Variants in ETFBKMT observed in about 807,000 individuals in gnomAD.
ETFBKMT encodes the protein electron transfer flavoprotein beta subunit lysine methyltransferase.
ETFBKMT carries 13 observed loss-of-function variants against 18.3 expected under a neutral mutation model. The observed-to-expected ratio is 0.71, with a 90% CI of 0.46 to 1.13. ETFBKMT has a LOEUF of 1.13. ETFBKMT is among the 50% of genes most tolerant of loss of function. ETFBKMT has a pLI of 0.00. For missense variants in ETFBKMT, 293 were observed against 306.2 expected (o/e 0.96, Z 0.32); for synonymous variants, 84 against 107.9 (o/e 0.78, Z 1.37).
chr12:31,672,254 G>T lies in ETFBKMT; in HGVS notation c.*4264G>T. 1 of 1,275,160 alleles carries T rather than the reference G, an allele frequency of 7.8e-7. No individual in the cohort carries two copies. The highest frequency in any genetic ancestry group is 1.1e-6 in the Non-Finnish European group (1 of 896,828). The allele number at this position is 1,275,160 out of a possible 1,614,324, so 79.0% of individuals were successfully genotyped here. On this transcript the variant is annotated 3_prime_UTR_variant, in exon 4 of 4. Coordinates refer to ENST00000357721, the MANE Select transcript of ETFBKMT (RefSeq NM_001135863.2). ...CAAATCTCTATAGATGGTTTCCTGG[G>T]AAAGTAGTTTTGATAAGCTTTCCTA...
chr12:31,648,488 A>G (rs1271462246), intron 1 of ETFBKMT, among the ~76,000 whole-genome samples: 1 of 145,440 alleles, frequency 6.9e-6, no homozygotes, highest in Non-Finnish European at 1.5e-5. Context: ...CAGCCTCCTG[A>G]GTAGCCGGGA....
At chr12:31,653,476 C>G (rs1388273009) in intron 1 of ETFBKMT, among the ~76,000 whole-genome samples, 1 of 152,054 alleles carries the variant, frequency 6.6e-6, no homozygotes, top group South Asian at 2.1e-4. Context: ...TAAAAGTTTG[C>G]CCGGTTACTA....
intron 3 of ETFBKMT, among the ~76,000 whole-genome samples, chr12:31,667,417 C>A (rs1287874657): frequency 6.6e-6 from 1 of 152,170 alleles, no homozygotes; most frequent in East Asian, 1.9e-4. Flanking sequence ...AAAGTCCCAG[C>A]ATTTCTAGGT....
chr12:31,663,945 C>T (rs888888423), intron 2 of ETFBKMT, among the ~76,000 whole-genome samples: 1 of 151,896 alleles, frequency 6.6e-6, no homozygotes, highest in African/African-American at 2.4e-5. Context: ...GCTACTGCAA[C>T]CCCTTTCCAC....
rs1369341958 is a variant in ETFBKMT at position 31,672,051 on chromosome 12, T to C, written c.*4061T>C. 2 of 377,146 alleles carry C rather than the reference T, an allele frequency of 5.3e-6. No individual in the cohort carries two copies. Among genetic ancestry groups the C allele is most frequent in the African/African-American group, 4.1e-5 (2 of 48,676 alleles). The allele number at this position is 377,146 out of a possible 1,614,324, so 23.4% of individuals were successfully genotyped here. A position where few individuals can be genotyped will look rare whatever the true frequency, so the allele number is the denominator to read the frequency against. ...ATCCAACACCATAGATCAGAGTTCA[T>C]GCTAGGATTATCATTTCAAAAATAA... On this transcript the variant is annotated 3_prime_UTR_variant, in exon 4 of 4. Coordinates refer to ENST00000357721, the MANE Select transcript of ETFBKMT (RefSeq NM_001135863.2).
chr12:31,650,626 C>CTTTT (rs543201341), intron 1 of ETFBKMT, among the ~76,000 whole-genome samples: 5 of 140,712 alleles, frequency 3.6e-5, no homozygotes, highest in African/African-American at 1.1e-4. Flanking sequence ...AATGACCTGA[C>CTTTT]CTTTTTTTTT....
rs1462388723 is a variant in ETFBKMT at position 31,671,397 on chromosome 12, G to T, written c.*3407G>T. The T allele has an allele frequency of 6.6e-6, 1 of 152,142 alleles. No homozygotes were observed. Among genetic ancestry groups the T allele is most frequent in the Non-Finnish European group, 1.5e-5 (1 of 68,010 alleles). The allele number at this position is 152,142 out of a possible 1,614,324, so 9.4% of individuals were successfully genotyped here. A position where few individuals can be genotyped will look rare whatever the true frequency, so the allele number is the denominator to read the frequency against. ...TTTCACTACATCAGAGGCAAAATAA[G>T]AAATCTTTTAAGAAAATCTCAAGAC... On this transcript the variant is annotated 3_prime_UTR_variant, in exon 4 of 4. Coordinates refer to ENST00000357721, the MANE Select transcript of ETFBKMT (RefSeq NM_001135863.2).
upstream of ETFBKMT, among the ~76,000 whole-genome samples, chr12:31,658,287 A>C (rs755164383): frequency 2.0e-5 from 3 of 152,266 alleles, no homozygotes; most frequent in Admixed American, 6.5e-5. Flanking sequence ...TCAGCAACTA[A>C]TTAAGAAAAA....
At chr12:31,659,943 G>A (rs1250589309) in intron 1 of ETFBKMT, 154 bp downstream of exon 1, 1 of 148,182 alleles carries the variant, frequency 6.7e-6, no homozygotes, top group Non-Finnish European at 1.5e-5. Flanking sequence ...CAGGTCAGGA[G>A]TTCCAGACCA....
In ETFBKMT at chr12:31,667,769, T is replaced by C; in HGVS notation, c.568T>C (p.Phe190Leu). The C allele has an allele frequency of 1.2e-6, 2 of 1,614,162 alleles. No individual in the cohort carries two copies. The highest frequency in any genetic ancestry group is 1.7e-6 in the Non-Finnish European group (2 of 1,180,028). ...GGACCTTGTTGTTCTTGGCGATATG[T>C]TTTATGATGAAGACCTTGCAGATAG... ...KWDLVVLGDM[F>L]YDEDLADSLH... is the part of the protein sequence containing the mutation. Residue 190 changes from phenylalanine to leucine, a missense_variant, in exon 4 of 4, where the codon TTT becomes CTT. Transcript: ENST00000357721.
At chr12:31,666,817 A>ATTT (rs1215263554) in intron 3 of ETFBKMT, among the ~76,000 whole-genome samples, 15 of 140,192 alleles carry the variant, frequency 1.1e-4, no homozygotes, top group African/African-American at 3.7e-4. Flanking sequence ...TGCCTGGCTA[A>ATTT]TTTTTTTTTT....
upstream of ETFBKMT, among the ~76,000 whole-genome samples, chr12:31,656,503 C>A (rs75328557): frequency 0.04 from 6,133 of 152,152 alleles, 408 homozygotes; most frequent in African/African-American, 0.14. Context: ...GTCTGGGGAG[C>A]TAGAGCAGGT....
Position 31,669,359 on chromosome 12 carries a change from C to G in ETFBKMT, c.*1369C>G, listed in dbSNP as rs1453614770. On this transcript the variant is annotated 3_prime_UTR_variant, in exon 4 of 4. Transcript: ENST00000357721. ...CAGTCAGTTAAGTCAGCCTGTGCCC[C>G]TGCTGTGACCTTCACAAGTGCTTTC... 1.3e-5 allele frequency: 2 copies of G among 152,244 alleles called. No homozygotes were observed. The highest frequency in any genetic ancestry group is 2.9e-5 in the Non-Finnish European group (2 of 68,068). The allele number at this position is 152,244 out of a possible 1,614,324, so 9.4% of individuals were successfully genotyped here.
upstream of ETFBKMT, chr12:31,659,658 C>G (rs545872750): frequency 6.6e-6 from 1 of 152,154 alleles, no homozygotes. Context: ...TTGTGTGATT[C>G]AAGTGACAGC....
At position 31,669,514 on chromosome 12, in the gene ETFBKMT, A is replaced by C. The variant is rs900974380; in HGVS notation, c.*1524A>C. 2.0e-5 allele frequency: 3 copies of C among 152,162 alleles called. No homozygotes were observed. Among genetic ancestry groups the C allele is most frequent in the Non-Finnish European group, 4.4e-5 (3 of 68,054 alleles). 9.4% of individuals were successfully genotyped at this position (152,162 alleles called of 1,614,324 possible). A position where few individuals can be genotyped will look rare whatever the true frequency, so the allele number is the denominator to read the frequency against. ...TGAGAACTGGCTTTTGTTAAGGAGA[A>C]CTGAACACTTGGGCATATTTCAAAA... On this transcript the variant is annotated 3_prime_UTR_variant, in exon 4 of 4. Transcript: ENST00000357721.
intron 1 of ETFBKMT, among the ~76,000 whole-genome samples, chr12:31,651,257 A>C (rs1951015171): frequency 6.6e-6 from 1 of 151,518 alleles, no homozygotes; most frequent in Admixed American, 6.6e-5. Context: ...TGACGTGTCC[A>C]TTCCTACCTT....
chr12:31,652,935 G>A (rs564596062), intron 1 of ETFBKMT, among the ~76,000 whole-genome samples: 10 of 152,324 alleles, frequency 6.6e-5, no homozygotes, highest in Non-Finnish European at 1.3e-4. Context: ...CAGGCCGGTC[G>A]CGGTGGCTCA....
At chr12:31,655,763 T>C (rs1014121434), upstream of ETFBKMT, among the ~76,000 whole-genome samples, 9 of 152,130 alleles carry the variant, frequency 5.9e-5, no homozygotes, top group Admixed American at 3.9e-4. Flanking sequence ...AAATACCGAG[T>C]CTCCTGAAGC....
chr12:31,649,029 G>A (rs1950993147), intron 1 of ETFBKMT, among the ~76,000 whole-genome samples: 1 of 90,838 alleles, frequency 1.1e-5, no homozygotes, highest in Non-Finnish European at 2.5e-5. Flanking sequence ...CTAGGCTGGA[G>A]TGCAGTGGCG....
Sources: allele counts gnomAD v4.1 joint callset (sites outside exome capture counted in the v4.1 genomes callset), GRCh38; gene constraint gnomAD v4.1.1; transcripts MANE v1.5; gene names NCBI Gene and HGNC (gene_info 2026-07-23, HGNC 2026-07-21).